Variants in KCNG2 observed in about 807,000 individuals in gnomAD.
The protein encoded by KCNG2 is potassium voltage-gated channel modifier subfamily G member 2.
A neutral mutation model predicts 12.3 loss-of-function variants in KCNG2; 7 were observed. The observed-to-expected ratio is 0.57, with a 90% CI of 0.32 to 1.07. The LOEUF (loss-of-function observed/expected upper bound fraction) is 1.07. Among genes scored for constraint, KCNG2 ranks in the 50% least tolerant of loss-of-function variants. KCNG2 has a pLI of 0.04. For synonymous variants in KCNG2, 414 were observed against 351.4 expected, an observed-to-expected ratio of 1.18 and a Z score of -1.99; for missense variants, 703 against 726.0, an observed-to-expected ratio of 0.97 and a Z score of 0.36.
In KCNG2 at chr18:79,864,209, GCGTGTC is replaced by G; in HGVS notation, c.550_555del (p.Val184_Ser185del). The G allele has an allele frequency of 6.5e-7, 1 of 1,545,502 alleles. No homozygotes were observed. The highest frequency in any genetic ancestry group is 8.7e-7 in the Non-Finnish European group (1 of 1,150,190). ...GGGCTGGCGGGCAAGCTCTTCGCCT[GCGTGTC>G]CGTGTCCTTCGTGGCCGTCACGGCC... On this transcript the variant is annotated inframe_deletion, in exon 3 of 4. Transcript: ENST00000316249.
intron 1 of KCNG2, among the ~76,000 whole-genome samples, chr18:79,825,621 G>T (rs144069858): frequency 2.1e-3 from 325 of 152,332 alleles, no homozygotes; most frequent in African/African-American, 7.4e-3. Flanking sequence ...GACTGACGGG[G>T]CGCAAGCTTC....
At chr18:79,885,500 A>G (rs1599430667) in intron 3 of KCNG2, among the ~76,000 whole-genome samples, 1 of 152,164 alleles carries the variant, frequency 6.6e-6, no homozygotes, top group South Asian at 2.1e-4. Flanking sequence ...CTGCAGCTGC[A>G]CTGGGTCCCT....
chr18:79,887,017 A>G (rs1386503916), intron 3 of KCNG2, among the ~76,000 whole-genome samples: 2 of 113,244 alleles, frequency 1.8e-5, no homozygotes, highest in African/African-American at 6.9e-5. Context: ...GGACATGGGG[A>G]CACGGGACAG....
chr18:79,839,194 G>C lies in KCNG2; in HGVS notation c.-114-17185G>C, dbSNP rs1433838590. Among the ~76,000 whole-genome samples, 3 of 152,186 alleles carry C rather than the reference G, an allele frequency of 2.0e-5. No homozygotes were observed. The East Asian group carries it at 5.8e-4, about 29-fold the overall frequency. On this transcript the variant is annotated intron_variant, in intron 1 of 3. Transcript: ENST00000316249. ...TGCCTGTCATCCCAGCTACTTGGGA[G>C]GCTGAAGGGAGAGGATCACTTGAGC...
At chr18:79,826,913 A>G (rs1485675658) in intron 1 of KCNG2, among the ~76,000 whole-genome samples, 1 of 152,278 alleles carries the variant, frequency 6.6e-6, no homozygotes, top group Non-Finnish European at 1.5e-5. Context: ...ATTGATTGAA[A>G]AAGAAATTAC....
intron 1 of KCNG2, among the ~76,000 whole-genome samples, chr18:79,843,595 A>G (rs1449342543): frequency 1.3e-5 from 2 of 152,238 alleles, no homozygotes; most frequent in African/African-American, 4.8e-5. Context: ...GTAACATAAA[A>G]TGTGTGAGAA....
In KCNG2 at chr18:79,863,741, G is replaced by A; in HGVS notation, c.74G>A (p.Gly25Asp). ...CGGCACGTCATCATCAACGTGGGCG[G>A]CTGCCGCGTGCGCCTGGCATGGGCC... ...RARHVIINVG[G>D]CRVRLAWAAL... Residue 25 changes from glycine to aspartate, a missense_variant, in exon 3 of 4, where the codon GGC becomes GAC. By Grantham distance (94) the Gly-to-Asp change is moderately conservative (BLOSUM62 -1). Coordinates refer to ENST00000316249, the MANE Select transcript of KCNG2 (RefSeq NM_012283.2). 8.3e-7 allele frequency: 1 copy of A among 1,203,512 alleles called. No homozygotes were observed. The highest frequency in any genetic ancestry group is 1.0e-6 in the Non-Finnish European group (1 of 969,518). The allele number at this position is 1,203,512 out of a possible 1,614,324, so 74.6% of individuals were successfully genotyped here.
At chr18:79,861,315 G>C (rs1248882030) in intron 2 of KCNG2, among the ~76,000 whole-genome samples, 1 of 105,378 alleles carries the variant, frequency 9.5e-6, no homozygotes, top group Non-Finnish European at 1.7e-5. Flanking sequence ...TTCTCACTCT[G>C]TTACCCAGGC....
intron 3 of KCNG2, among the ~76,000 whole-genome samples, chr18:79,870,405 T>C (rs1979783556): frequency 1.3e-5 from 2 of 152,070 alleles, no homozygotes; most frequent in South Asian, 4.2e-4. Context: ...TGCTGGTGGA[T>C]GTGGCCTGGT....
chr18:79,899,475 T>G lies in KCNG2; in HGVS notation c.1060T>G (p.Ser354Ala). The G allele has an allele frequency of 6.2e-7, 1 of 1,607,080 alleles. No homozygotes were observed. Among genetic ancestry groups the G allele is most frequent in the Non-Finnish European group, 8.5e-7 (1 of 1,177,556 alleles). The stretch of plus-strand genomic sequence containing the variant: ...CGAGCTGGGCGCGCGCCGCGACTTC[T>G]CCAGCGTGCCCGCCAGCTATTGGTG... ...ERELGARRDF[S>A]SVPASYWWAV... is the part of the protein sequence containing the mutation. The change falls in exon 4 of 4, where the codon TCC (serine) becomes GCC (alanine). Residue 354 changes from serine (S) to alanine (A), a missense_variant. Coordinates refer to ENST00000316249, the MANE Select transcript of KCNG2 (RefSeq NM_012283.2).
intron 1 of KCNG2, among the ~76,000 whole-genome samples, chr18:79,842,118 A>G (rs554441274): frequency 2.6e-5 from 4 of 152,098 alleles, no homozygotes; most frequent in African/African-American, 9.7e-5. Flanking sequence ...TCGCAGCCAC[A>G]TGCTCCAGGC....
intron 1 of KCNG2, among the ~76,000 whole-genome samples, chr18:79,817,588 G>A (rs564238069): frequency 6.6e-6 from 1 of 152,160 alleles, no homozygotes; most frequent in South Asian, 2.1e-4. Flanking sequence ...TTCTCACACA[G>A]ATGGTTGTCA....
chr18:79,896,442 T>C (rs1374924837), intron 3 of KCNG2, among the ~76,000 whole-genome samples: 3 of 152,274 alleles, frequency 2.0e-5, no homozygotes, highest in African/African-American at 7.2e-5. Context: ...ATTGTTGTAA[T>C]ACACATTGTT....
chr18:79,805,392 G>C (rs1037609420), intron 1 of KCNG2, among the ~76,000 whole-genome samples: 1 of 152,208 alleles, frequency 6.6e-6, no homozygotes, highest in Non-Finnish European at 1.5e-5. Context: ...CCGCGCACTC[G>C]GGATGAGGCC....
intron 1 of KCNG2, among the ~76,000 whole-genome samples, chr18:79,809,466 C>T (rs2087475541): frequency 7.0e-6 from 1 of 143,482 alleles, no homozygotes; most frequent in Non-Finnish European, 1.5e-5. Flanking sequence ...GCCGGGGCCG[C>T]GCTGACCACA....
intron 3 of KCNG2, among the ~76,000 whole-genome samples, chr18:79,866,373 T>TGA (rs1181020940): frequency 8.6e-6 from 1 of 116,648 alleles, no homozygotes; most frequent in African/African-American, 3.3e-5. Flanking sequence ...GTCTGGGTGC[T>TGA]GAGGTCTGGG....
intron 3 of KCNG2, among the ~76,000 whole-genome samples, chr18:79,883,697 T>A (rs1032090939): frequency 6.6e-6 from 1 of 152,206 alleles, no homozygotes; most frequent in Non-Finnish European, 1.5e-5. Context: ...GGTGAAGACA[T>A]GTCTGTCTGG....
intron 1 of KCNG2, among the ~76,000 whole-genome samples, chr18:79,801,600 CTTATA>C (rs2087410311): frequency 1.3e-5 from 2 of 152,238 alleles, no homozygotes; most frequent in African/African-American, 4.8e-5. Flanking sequence ...GAGTTTAAAT[CTTATA>C]TTAGACGTGA....
At chr18:79,860,907 A>G (rs1979189723) in intron 2 of KCNG2, among the ~76,000 whole-genome samples, 1 of 152,212 alleles carries the variant, frequency 6.6e-6, no homozygotes, top group African/African-American at 2.4e-5. Flanking sequence ...AGGGGAAAGA[A>G]TCCAGTCTTT....
Sources: allele counts gnomAD v4.1 joint callset (sites outside exome capture counted in the v4.1 genomes callset), GRCh38; gene constraint gnomAD v4.1.1; transcripts MANE v1.5; gene names NCBI Gene and HGNC (gene_info 2026-07-23, HGNC 2026-07-21).